IRAK3: variants seen among roughly 807,000 people sequenced by gnomAD.
The protein encoded by IRAK3 is interleukin-1 receptor-associated kinase 3.
IRAK3 carries 57 observed loss-of-function variants against 56.6 expected under a neutral mutation model. The ratio of observed to expected loss-of-function variants is 1.01; its 90% CI spans 0.81 to 1.26. The LOEUF (loss-of-function observed/expected upper bound fraction) is 1.26, where lower values mean the gene tolerates loss of function less well. Ranked by LOEUF, IRAK3 falls within the 50% of genes most tolerant of loss-of-function variation. The pLI is 0.00. For missense variants in IRAK3, 703 were observed against 719.0 expected, an observed-to-expected ratio of 0.98 and a Z score of 0.25; for synonymous variants, 258 against 255.7, an observed-to-expected ratio of 1.01 and a Z score of -0.09.
intron 11 of IRAK3, among the ~76,000 whole-genome samples, chr12:66,246,735 T>G (rs2053036855): frequency 6.6e-6 from 1 of 152,250 alleles, no homozygotes; most frequent in South Asian, 2.1e-4. Context: ...ATAATATATG[T>G]GAAAGCACTT....
At chr12:66,222,856 T>C (rs1592591572) in intron 6 of IRAK3, among the ~76,000 whole-genome samples, 1 of 152,328 alleles carries the variant, frequency 6.6e-6, no homozygotes, top group African/African-American at 2.4e-5. Context: ...CGCGTCTGTG[T>C]GAAGAGACCA....
At chr12:66,216,375 A>G (rs2052677140) in intron 5 of IRAK3, among the ~76,000 whole-genome samples, 1 of 152,204 alleles carries the variant, frequency 6.6e-6, no homozygotes, top group Admixed American at 6.5e-5. Flanking sequence ...AACTTGGAAA[A>G]TAGTTTCCAA....
At chr12:66,240,509 G>A (rs1424976088) in intron 8 of IRAK3, among the ~76,000 whole-genome samples, 1 of 152,122 alleles carries the variant, frequency 6.6e-6, no homozygotes, top group Non-Finnish European at 1.5e-5. Context: ...TTGGGGTGGG[G>A]TGCACAACTG....
intron 1 of IRAK3, among the ~76,000 whole-genome samples, chr12:66,192,349 G>A (rs2052407182): frequency 6.6e-6 from 1 of 152,062 alleles, no homozygotes; most frequent in South Asian, 2.1e-4. Flanking sequence ...TATCATTGAT[G>A]ACTTTATGGC....
At chr12:66,240,819 C>CATAT (rs143209220) in intron 8 of IRAK3, among the ~76,000 whole-genome samples, 1 of 147,048 alleles carries the variant, frequency 6.8e-6, no homozygotes, top group Non-Finnish European at 1.5e-5. Context: ...TATATACCCA[C>CATAT]ATATATATAT....
chr12:66,199,603 C>A (rs947839202), intron 1 of IRAK3, among the ~76,000 whole-genome samples: 3 of 152,178 alleles, frequency 2.0e-5, no homozygotes, highest in Non-Finnish European at 4.4e-5. Flanking sequence ...TCCAGAAAGC[C>A]TTCCCTGCTG....
intron 1 of IRAK3, among the ~76,000 whole-genome samples, chr12:66,202,501 G>A (rs1000882185): frequency 3.9e-5 from 6 of 152,164 alleles, no homozygotes; most frequent in African/African-American, 1.4e-4. Context: ...GCCTGCCGTG[G>A]TAGTTCTCAC....
chr12:66,203,711 C>T lies in IRAK3; in HGVS notation c.134C>T (p.Ala45Val). ...CDGALGWRGL[A>V]ERLSSSWLDV... is the part of the protein sequence containing the mutation. ...TTTGTTTATATTGCAATTTCCACAG[C>T]AGAGAGACTTTCAAGCAGCTGGCTG... Residue 45 changes from alanine to valine, a missense_variant and splice_region_variant, in exon 2 of 12, where the codon GCA becomes GTA. Ala to Val is a moderately conservative substitution (Grantham distance 64). Transcript: ENST00000261233. 1 of 1,613,740 alleles carries T rather than the reference C, an allele frequency of 6.2e-7. No homozygotes were observed. The highest frequency in any genetic ancestry group is 1.1e-5 in the South Asian group (1 of 91,076).
chr12:66,212,784 A>T (rs1249670642), intron 5 of IRAK3, among the ~76,000 whole-genome samples: 1 of 152,186 alleles, frequency 6.6e-6, no homozygotes, highest in Non-Finnish European at 1.5e-5. Flanking sequence ...GGAACAGGAA[A>T]CCAAACACTG....
chr12:66,221,911 C>T (rs2052737898), intron 6 of IRAK3, among the ~76,000 whole-genome samples: 1 of 152,112 alleles, frequency 6.6e-6, no homozygotes, highest in African/African-American at 2.4e-5. Flanking sequence ...CGCTTGCAAT[C>T]CCAGCTATTC....
At chr12:66,228,017 ATATTGAGAAG>A (rs1565807638) in intron 7 of IRAK3, among the ~76,000 whole-genome samples, 1 of 152,190 alleles carries the variant, frequency 6.6e-6, no homozygotes, top group Non-Finnish European at 1.5e-5. Context: ...GATTAAGCTA[ATATTGAGAAG>A]TATTGAGTAT....
At position 66,248,069 on chromosome 12, in the gene IRAK3, T is replaced by C; in HGVS notation, c.1689T>C (p.Pro563=). The change falls in exon 12 of 12, where the codon CCT becomes CCC. Residue 563 remains proline (P), a synonymous_variant. Transcript: ENST00000261233. ...GGCCCTATAAGGTAAATATAGATCC[T>C]TCTTCAGAAGCTCCAGGGCATTCTT... ...DLRPYKVNID[P]SSEAPGHSCR... 1 of 1,590,674 alleles carries C rather than the reference T, an allele frequency of 6.3e-7. No homozygotes were observed. Among genetic ancestry groups the C allele is most frequent in the Non-Finnish European group, 8.5e-7 (1 of 1,171,338 alleles).
At chr12:66,194,791 C>T (rs540449172) in intron 1 of IRAK3, among the ~76,000 whole-genome samples, 5 of 149,620 alleles carry the variant, frequency 3.3e-5, no homozygotes, top group South Asian at 4.2e-4. Context: ...ATCACACTAC[C>T]GTACTCCAGA....
rs1043002903 is a variant in IRAK3, at chr12:66,254,469, TAGAG to T, written c.*6302_*6305del. ...ATATTTTAAGATAATGTATGTTTCA[TAGAG>T]AGATCTTCACCAAATGTTAAGGATT... On this transcript the variant is annotated 3_prime_UTR_variant, in exon 12 of 12. Transcript: ENST00000261233. 6 of 152,072 alleles carry T rather than the reference TAGAG, an allele frequency of 3.9e-5. No individual in the cohort carries two copies. Among genetic ancestry groups the T allele is most frequent in the South Asian group, 2.1e-4 (1 of 4,828 alleles). The allele number at this position is 152,072 out of a possible 1,614,324, so 9.4% of individuals were successfully genotyped here.
chr12:66,241,002 A>G (rs767126048), intron 8 of IRAK3, among the ~76,000 whole-genome samples: 4 of 152,084 alleles, frequency 2.6e-5, no homozygotes, highest in African/African-American at 4.8e-5. Context: ...AAGGGATTGA[A>G]CTTAATTAGG....
At position 66,221,845 on chromosome 12, in the gene IRAK3, A is replaced by T. The variant is rs375818245; in HGVS notation, c.653+4610A>T. 8.5e-5 allele frequency among the ~76,000 whole-genome samples: 13 copies of T among 152,290 alleles called. 2 individuals carry two copies. Among genetic ancestry groups the T allele is most frequent in the African/African-American group, 3.1e-4 (13 of 41,562 alleles). ...GGAGTTCAAGACCAGCCTGGCCAAC[A>T]TGATGAAACCCCATCTGTACTAAAA... is the stretch of plus-strand genomic sequence containing the variant. On this transcript the variant is annotated intron_variant, in intron 6 of 11. Transcript: ENST00000261233.
chr12:66,193,335 G>A lies in IRAK3; in HGVS notation c.133+3903G>A, dbSNP rs184137049. The stretch of plus-strand genomic sequence containing the variant: ...GCCTAGATGTATTTTTTTAAGAACA[G>A]TTTTAAATTTATGGAAAAGTTTAGC... On this transcript the variant is annotated intron_variant, in intron 1 of 11. Transcript: ENST00000261233. 3.3e-3 allele frequency among the ~76,000 whole-genome samples: 500 copies of A among 152,150 alleles called. 1 individual carries two copies. The highest frequency in any genetic ancestry group is 6.8e-3 in the Middle Eastern group (2 of 294).
At chr12:66,228,428 A>T (rs2052811215) in intron 8 of IRAK3, 58 bp downstream of exon 8, 2 of 1,116,784 alleles carry the variant, frequency 1.8e-6, no homozygotes, top group Non-Finnish European at 2.8e-6. Flanking sequence ...CTCACATGTG[A>T]GTCATACTTC....
chr12:66,238,488 A>G (rs55913894), intron 8 of IRAK3, among the ~76,000 whole-genome samples: 37,421 of 152,202 alleles, frequency 0.25, 4,947 homozygotes, highest in Middle Eastern at 0.36. Flanking sequence ...TGTGAGTCCA[A>G]TCATCATGCA....
Sources: allele counts gnomAD v4.1 joint callset (sites outside exome capture counted in the v4.1 genomes callset), GRCh38; gene constraint gnomAD v4.1.1; transcripts MANE v1.5; gene names NCBI Gene and HGNC (gene_info 2026-07-23, HGNC 2026-07-21).